MTA3: variants seen among roughly 807,000 people sequenced by gnomAD.
MTA3 encodes metastasis associated 1 family member 3, also known as metastasis-associated protein MTA3.
A neutral mutation model predicts 83.5 loss-of-function variants in MTA3; 34 were observed. The observed-to-expected ratio is 0.41, with a 90% CI of 0.31 to 0.54. The LOEUF (loss-of-function observed/expected upper bound fraction) is 0.54. MTA3 is among the 20% of genes least tolerant of loss of function. The pLI, the probability that MTA3 is intolerant of heterozygous loss-of-function variation, is 0.33. For missense variants in MTA3, 761 were observed against 726.4 expected (o/e 1.05, Z -0.55); for synonymous variants, 303 against 252.7 (o/e 1.20, Z -1.89).
intron 2 of MTA3, among the ~76,000 whole-genome samples, chr2:42,546,056 A>G (rs1018000530): frequency 2.0e-5 from 3 of 152,202 alleles, no homozygotes; most frequent in Non-Finnish European, 4.4e-5. Flanking sequence ...TGAAAGGGCA[A>G]TTGGCTGATC....
chr2:42,709,398 C>G, intron 14 of MTA3: 1 of 920,684 alleles, frequency 1.1e-6, no homozygotes, highest in Admixed American at 4.4e-5. Flanking sequence ...GCCTGCAGAG[C>G]CCTTATTGAA....
chr2:42,745,667 T>C (rs934595379), intron 16 of MTA3, among the ~76,000 whole-genome samples: 2 of 152,238 alleles, frequency 1.3e-5, no homozygotes, highest in East Asian at 1.9e-4. Context: ...ATTACAGATA[T>C]GAGCCACTGC....
intron 8 of MTA3, among the ~76,000 whole-genome samples, chr2:42,668,271 G>T (rs1355152899): frequency 6.6e-6 from 1 of 152,198 alleles, no homozygotes; most frequent in African/African-American, 2.4e-5. Flanking sequence ...TGCTCAGGTT[G>T]GCTGGAAGAC....
intron 5 of MTA3, among the ~76,000 whole-genome samples, chr2:42,641,923 A>C (rs1244130544): frequency 6.6e-6 from 1 of 152,122 alleles, no homozygotes; most frequent in African/African-American, 2.4e-5. Context: ...CCTATTGGGT[A>C]CACTGTTCAC....
chr2:42,573,659 C>A (rs904550569), intron 2 of MTA3, among the ~76,000 whole-genome samples: 1 of 145,684 alleles, frequency 6.9e-6, no homozygotes, highest in African/African-American at 2.5e-5. Flanking sequence ...TACAGGCGCC[C>A]AACACCATGC....
At chr2:42,584,498 T>C (rs923596925) in intron 3 of MTA3, among the ~76,000 whole-genome samples, 9 of 152,286 alleles carry the variant, frequency 5.9e-5, no homozygotes, top group Non-Finnish European at 8.8e-5. Flanking sequence ...CAAATATACA[T>C]ATATTATTTT....
chr2:42,522,778 G>A (rs1269030637), intron 2 of MTA3, among the ~76,000 whole-genome samples: 1 of 150,256 alleles, frequency 6.7e-6, no homozygotes, highest in African/African-American at 2.4e-5. Context: ...AGGAGGGAGG[G>A]AAGGAAGAAG....
At chr2:42,579,551 C>T (rs1398472212) in intron 3 of MTA3, among the ~76,000 whole-genome samples, 1 of 151,568 alleles carries the variant, frequency 6.6e-6, no homozygotes, top group Non-Finnish European at 1.5e-5. Flanking sequence ...CTCATCCTTG[C>T]AAAGTGCTGG....
rs1666385257 is a variant in MTA3 at position 42,709,172 on chromosome 2, T to G, written c.1525+76T>G. On this transcript the variant is annotated intron_variant, in intron 14 of 16. Coordinates refer to ENST00000405094, the MANE Select transcript of MTA3 (RefSeq NM_001330442.2). ...TCTCTTTTCCTCTCTTTCCTTTTTTTTTTGTTTGTTTGTTTGCAATAAACA... is the reference window on the plus strand; with the variant it reads ...TCTCTTTTCCTCTCTTTCCTTTTTTGTTTGTTTGTTTGTTTGCAATAAACA... The G allele has an allele frequency of 4.0e-6, 6 of 1,497,088 alleles. No homozygotes were observed. In the East Asian group the frequency reaches 7.4e-5, roughly 18 times the overall value. 92.7% of individuals were successfully genotyped at this position (1,497,088 alleles called of 1,614,324 possible). A position where few individuals can be genotyped will look rare whatever the true frequency, so the allele number is the denominator to read the frequency against.
intron 4 of MTA3, among the ~76,000 whole-genome samples, chr2:42,617,698 C>T (rs914583221): frequency 6.6e-6 from 1 of 151,896 alleles, no homozygotes; most frequent in East Asian, 1.9e-4. Context: ...ATCACTTGAA[C>T]CCGGGAGGCG....
At chr2:42,563,823 CCTTCCTT>C (rs1677778155), upstream of MTA3, among the ~76,000 whole-genome samples, 1 of 147,748 alleles carries the variant, frequency 6.8e-6, no homozygotes, top group Non-Finnish European at 1.5e-5. Context: ...TTCCTTCCTT[CCTTCCTT>C]CCTTTCTTTT....
intron 7 of MTA3, 87 bp from the exon 8 acceptor site, chr2:42,659,676 A>T: frequency 1.1e-6 from 1 of 950,732 alleles, no homozygotes; most frequent in Non-Finnish European, 1.4e-6. Context: ...TTTTTTATTT[A>T]CTATCCAAAT....
chr2:42,714,327 A>C (rs554772813), intron 14 of MTA3, among the ~76,000 whole-genome samples: 1 of 151,912 alleles, frequency 6.6e-6, no homozygotes, highest in African/African-American at 2.4e-5. Flanking sequence ...TTTCTCTTTG[A>C]CTTTATGGTG....
chr2:42,579,207 T>C lies in MTA3; in HGVS notation c.190+7T>C. On this transcript the variant is annotated splice_region_variant and intron_variant, in intron 3 of 16. Coordinates refer to ENST00000405094, the MANE Select transcript of MTA3 (RefSeq NM_001330442.2). Reference sequence around the variant, plus strand: ...CTCGCAGATAAGCATGCTAGTAAGTTGTTTTTCTCTGATTAAAAAAACGTT... The same window carrying C: ...CTCGCAGATAAGCATGCTAGTAAGTCGTTTTTCTCTGATTAAAAAAACGTT... 2 of 1,567,778 alleles carry C rather than the reference T, an allele frequency of 1.3e-6. No individual in the cohort carries two copies. Among genetic ancestry groups the C allele is most frequent in the Non-Finnish European group, 1.7e-6 (2 of 1,158,576 alleles).
chr2:42,723,535 C>A (rs1014703246), intron 16 of MTA3, among the ~76,000 whole-genome samples: 1 of 152,168 alleles, frequency 6.6e-6, no homozygotes, highest in African/African-American at 2.4e-5. Context: ...GTCCTAAATA[C>A]AGAAATAATA....
intron 8 of MTA3, among the ~76,000 whole-genome samples, chr2:42,670,105 A>G (rs1418116761): frequency 6.6e-6 from 1 of 152,108 alleles, no homozygotes; most frequent in Admixed American, 6.5e-5. Flanking sequence ...ACTAAATACA[A>G]AGAATTAGCT....
chr2:42,710,411 C>T (rs1389367918), intron 14 of MTA3, among the ~76,000 whole-genome samples: 4 of 151,812 alleles, frequency 2.6e-5, no homozygotes, highest in South Asian at 2.1e-4. Flanking sequence ...ATTAGCCAGG[C>T]GTGGTGGCAG....
intron 3 of MTA3, among the ~76,000 whole-genome samples, chr2:42,580,973 G>T (rs1343813476): frequency 2.0e-5 from 3 of 152,188 alleles, no homozygotes; most frequent in Admixed American, 2.0e-4. Context: ...AAGGAAGGCT[G>T]CTGTTTGCAT....
Position 42,579,130 on chromosome 2 carries a change from A to G in MTA3, c.120A>G (p.Ala40=). Reference sequence around the variant, plus strand: ...AGACTGCAAGTGGCAACGTGGAAGCAAAAGTAGTATGCTTTTATAGACGAC... The same window carrying G: ...AGACTGCAAGTGGCAACGTGGAAGCGAAAGTAGTATGCTTTTATAGACGAC... ...LNKTASGNVE[A]KVVCFYRRRD... is the part of the protein sequence containing the mutation. Residue 40 remains alanine, a synonymous_variant, in exon 3 of 17, where the codon GCA becomes GCG. Transcript: ENST00000405094. The G allele has an allele frequency of 6.2e-7, 1 of 1,608,248 alleles. No individual in the cohort carries two copies. The highest frequency in any genetic ancestry group is 8.5e-7 in the Non-Finnish European group (1 of 1,177,514).
Sources: allele counts gnomAD v4.1 joint callset (sites outside exome capture counted in the v4.1 genomes callset), GRCh38; gene constraint gnomAD v4.1.1; transcripts MANE v1.5; gene names NCBI Gene and HGNC (gene_info 2026-07-23, HGNC 2026-07-21).